The following SH3GL2 variants were observed in gnomAD, a reference collection of about 807,000 sequenced individuals.
The protein encoded by SH3GL2 is endophilin-A1.
In SH3GL2, 24 loss-of-function variants were observed where a neutral mutation model predicts 46.0. The observed-to-expected ratio is 0.52, with a 90% confidence interval of 0.38 to 0.73. SH3GL2 has a LOEUF of 0.73. Among genes scored for constraint, SH3GL2 ranks in the 30% least tolerant of loss-of-function variants. SH3GL2 has a pLI of 0.00. For synonymous variants in SH3GL2, 196 were observed against 147.1 expected, an observed-to-expected ratio of 1.33 and a Z score of -2.40; for missense variants, 413 against 424.2, an observed-to-expected ratio of 0.97 and a Z score of 0.23.
At chr9:17,612,936 A>G (rs1169192926) in intron 1 of SH3GL2, among the ~76,000 whole-genome samples, 1 of 152,218 alleles carries the variant, frequency 6.6e-6, no homozygotes, top group Non-Finnish European at 1.5e-5. Flanking sequence ...TGTATGACTG[A>G]AATAATACAA....
chr9:17,688,923 CTT>C (rs1030358972), intron 1 of SH3GL2, among the ~76,000 whole-genome samples: 2 of 152,044 alleles, frequency 1.3e-5, no homozygotes, highest in East Asian at 1.9e-4. Flanking sequence ...CCTGCCCACT[CTT>C]TAAGTGTGAC....
intron 1 of SH3GL2, among the ~76,000 whole-genome samples, chr9:17,639,419 G>T (rs1397306487): frequency 6.6e-6 from 1 of 152,110 alleles, no homozygotes; most frequent in Non-Finnish European, 1.5e-5. Flanking sequence ...AAAAGAAGAT[G>T]CATAAATGAT....
chr9:17,643,425 A>G (rs1020649441), intron 1 of SH3GL2, among the ~76,000 whole-genome samples: 11 of 152,112 alleles, frequency 7.2e-5, no homozygotes, highest in African/African-American at 2.2e-4. Flanking sequence ...TACTATGTTG[A>G]ATAGGAGTGG....
At chr9:17,726,579 A>G (rs998210607) in intron 1 of SH3GL2, among the ~76,000 whole-genome samples, 2 of 152,152 alleles carry the variant, frequency 1.3e-5, no homozygotes, top group East Asian at 3.9e-4. Context: ...AAGAACTACT[A>G]CACGACACAC....
intron 1 of SH3GL2, among the ~76,000 whole-genome samples, chr9:17,580,824 C>G (rs990861020): frequency 6.6e-6 from 1 of 152,172 alleles, no homozygotes; most frequent in Non-Finnish European, 1.5e-5. Context: ...TATAGCATAT[C>G]TCAGCACTGC....
At chr9:17,787,324 T>C (rs184106444) in intron 4 of SH3GL2, 56 bp from the exon 5 acceptor site, 5 of 1,491,990 alleles carry the variant, frequency 3.4e-6, no homozygotes, top group African/African-American at 2.8e-5. Flanking sequence ...GGCCCTGTTA[T>C]TGCGAGTGCA....
At position 17,677,871 on chromosome 9, in the gene SH3GL2, A is replaced by T. The variant is rs1266751539; in HGVS notation, c.46-69195A>T. Among the ~76,000 whole-genome samples the T allele has an allele frequency of 2.0e-5, 3 of 151,790 alleles. No individual in the cohort carries two copies. In the East Asian group the frequency reaches 5.8e-4, roughly 29 times the overall value. ...TTCAATTCCCACCTTTGAGTGAGAA[A>T]ATGCGGTGTTTGGTTTTTGTCCTTG... On this transcript the variant is annotated intron_variant, in intron 1 of 8. Coordinates refer to ENST00000380607, the MANE Select transcript of SH3GL2 (RefSeq NM_003026.5).
chr9:17,734,420 A>T (rs542761291), intron 1 of SH3GL2, among the ~76,000 whole-genome samples: 1 of 152,100 alleles, frequency 6.6e-6, no homozygotes, highest in African/African-American at 2.4e-5. Context: ...CACTTACTCA[A>T]TTATACTGTA....
chr9:17,737,176 G>A lies in SH3GL2; in HGVS notation c.46-9890G>A, dbSNP rs1376854846. Among the ~76,000 whole-genome samples the A allele has an allele frequency of 2.0e-5, 3 of 152,024 alleles. No homozygotes were observed. In the East Asian group the frequency reaches 5.8e-4, roughly 30 times the overall value. On this transcript the variant is annotated intron_variant, in intron 1 of 8. Coordinates refer to ENST00000380607, the MANE Select transcript of SH3GL2 (RefSeq NM_003026.5). The stretch of plus-strand genomic sequence containing the variant: ...ATGAGAACACATGGACACAGAGAGG[G>A]GAACACCACACACTGGCGCCTGTCA...
intron 1 of SH3GL2, among the ~76,000 whole-genome samples, chr9:17,734,341 G>C (rs554228010): frequency 1.3e-5 from 2 of 152,200 alleles, no homozygotes; most frequent in African/African-American, 4.8e-5. Flanking sequence ...TAGGTAACAG[G>C]ACAAATATTG....
chr9:17,603,226 C>A (rs1818701122), intron 1 of SH3GL2, among the ~76,000 whole-genome samples: 1 of 152,100 alleles, frequency 6.6e-6, no homozygotes, highest in South Asian at 2.1e-4. Context: ...TATTTGTATG[C>A]CAATGTTCCT....
intron 1 of SH3GL2, among the ~76,000 whole-genome samples, chr9:17,731,218 T>C (rs565345317): frequency 6.6e-6 from 1 of 152,222 alleles, no homozygotes; most frequent in South Asian, 2.1e-4. Context: ...AAATCTTATG[T>C]TTCTCCCTGC....
At chr9:17,735,043 C>T (rs554972152) in intron 1 of SH3GL2, among the ~76,000 whole-genome samples, 11 of 152,196 alleles carry the variant, frequency 7.2e-5, no homozygotes, top group Non-Finnish European at 1.3e-4. Context: ...GTGCTGCCTC[C>T]GGGCTCCCTT....
intron 1 of SH3GL2, among the ~76,000 whole-genome samples, chr9:17,692,433 G>A (rs1690871597): frequency 6.6e-6 from 1 of 152,000 alleles, no homozygotes; most frequent in Admixed American, 6.6e-5. Context: ...ATCATTTGAG[G>A]TCAAGAGTTC....
At chr9:17,636,626 T>C (rs1819550528) in intron 1 of SH3GL2, among the ~76,000 whole-genome samples, 1 of 152,224 alleles carries the variant, frequency 6.6e-6, no homozygotes, top group African/African-American at 2.4e-5. Flanking sequence ...TATTTTCCCA[T>C]TGTGCAAGTT....
intron 1 of SH3GL2, among the ~76,000 whole-genome samples, chr9:17,622,075 A>G (rs1323131016): frequency 6.6e-6 from 1 of 152,158 alleles, no homozygotes; most frequent in African/African-American, 2.4e-5. Context: ...GAAAACTAGA[A>G]TCAGGCTATT....
intron 1 of SH3GL2, among the ~76,000 whole-genome samples, chr9:17,633,771 A>G (rs1270918034): frequency 1.3e-5 from 2 of 152,200 alleles, no homozygotes; most frequent in African/African-American, 2.4e-5. Context: ...AATGAACACT[A>G]TGCCCATTTT....
intron 5 of SH3GL2, among the ~76,000 whole-genome samples, chr9:17,788,557 C>T (rs111394755): frequency 5.9e-5 from 9 of 152,122 alleles, no homozygotes; most frequent in East Asian, 1.9e-4. Context: ...GACTAGCTAT[C>T]GGGGAAAAAC....
intron 1 of SH3GL2, among the ~76,000 whole-genome samples, chr9:17,604,465 G>C (rs1818728746): frequency 6.6e-6 from 1 of 152,228 alleles, no homozygotes; most frequent in East Asian, 1.9e-4. Context: ...TTATTGCTTT[G>C]TTATTGCTGT....
Sources: gnomAD v4.1 joint callset for allele counts (sites outside exome capture counted in the v4.1 genomes callset) on GRCh38, gnomAD v4.1.1 for gene constraint, MANE v1.5 for transcripts, NCBI Gene and HGNC (gene_info 2026-07-23, HGNC 2026-07-21) for gene names.